ANO3: variants seen among roughly 807,000 people sequenced by gnomAD.
The protein encoded by ANO3 is anoctamin 3.
ANO3 carries 99 observed loss-of-function variants against 144.8 expected under a neutral mutation model. The ratio of observed to expected loss-of-function variants is 0.68; its 90% CI spans 0.58 to 0.81. The LOEUF is 0.81. Ranked by LOEUF, ANO3 falls within the 30% of genes least tolerant of loss-of-function variation. ANO3 has a pLI of 0.00. For missense variants in ANO3, 905 were observed against 1,202.2 expected, an observed-to-expected ratio of 0.75 and a Z score of 3.66; for synonymous variants, 414 against 392.6, an observed-to-expected ratio of 1.05 and a Z score of -0.64.
intron 1 of ANO3, among the ~76,000 whole-genome samples, chr11:26,360,195 T>C (rs4923351): frequency 0.5 from 62,805 of 126,248 alleles, 17,672 homozygotes; most frequent in Non-Finnish European, 0.62. Flanking sequence ...CCTTTTTTTT[T>C]CCACTTACTG....
intron 3 of ANO3, among the ~76,000 whole-genome samples, chr11:26,447,022 C>T (rs925729232): frequency 3.9e-5 from 6 of 151,966 alleles, no homozygotes; most frequent in Non-Finnish European, 8.8e-5. Flanking sequence ...CCAGCATTAG[C>T]AAAGTGGTGA....
intron 5 of ANO3, among the ~76,000 whole-genome samples, chr11:26,509,257 T>C (rs906647845): frequency 1.1e-4 from 17 of 152,090 alleles, no homozygotes; most frequent in Non-Finnish European, 2.2e-4. Flanking sequence ...GTTCCGCTAC[T>C]GAGAAAAAGA....
chr11:26,264,109 T>C (rs962348491), intron 1 of ANO3, among the ~76,000 whole-genome samples: 2 of 152,184 alleles, frequency 1.3e-5, no homozygotes, highest in Non-Finnish European at 2.9e-5. Flanking sequence ...GTAGGGCCCA[T>C]GTGGGCTGAA....
chr11:26,460,434 CGGGT>C (rs202004543), intron 3 of ANO3, among the ~76,000 whole-genome samples: 95,144 of 122,042 alleles, frequency 0.78, 35,016 homozygotes, highest in Admixed American at 0.85. Flanking sequence ...GGGGGGCGGG[CGGGT>C]GGAAGGAAAG....
At chr11:26,658,508 G>T (rs1268384294) in intron 26 of ANO3, among the ~76,000 whole-genome samples, 2 of 148,116 alleles carry the variant, frequency 1.4e-5, no homozygotes, top group South Asian at 2.2e-4. Flanking sequence ...TACTCAGGAG[G>T]TTGAGGCAGG....
At chr11:26,251,381 T>G (rs1239294005) in intron 1 of ANO3, among the ~76,000 whole-genome samples, 1 of 152,172 alleles carries the variant, frequency 6.6e-6, no homozygotes, top group Non-Finnish European at 1.5e-5. Context: ...ATGCAATGGA[T>G]GTTTTCAGAT....
intron 1 of ANO3, among the ~76,000 whole-genome samples, chr11:26,264,856 A>T (rs1853272465): frequency 1.3e-5 from 2 of 151,624 alleles, no homozygotes; most frequent in African/African-American, 4.8e-5. Context: ...ATGTAATTAT[A>T]TTTTTAAAGA....
chr11:26,306,059 C>A (rs1854373313), upstream of ANO3, among the ~76,000 whole-genome samples: 1 of 151,870 alleles, frequency 6.6e-6, no homozygotes, highest in East Asian at 1.9e-4. Flanking sequence ...CCCAGGTTCA[C>A]GCCATTCTCC....
At chr11:26,439,967 T>C (rs1858454502) in intron 1 of ANO3, among the ~76,000 whole-genome samples, 2 of 152,254 alleles carry the variant, frequency 1.3e-5, no homozygotes, top group South Asian at 4.1e-4. Context: ...ATCCTCAAAG[T>C]GAATAAATAA....
chr11:26,586,406 A>G (rs1851279175), intron 14 of ANO3, among the ~76,000 whole-genome samples: 1 of 146,374 alleles, frequency 6.8e-6, no homozygotes, highest in African/African-American at 2.5e-5. Flanking sequence ...CGTAAGACAA[A>G]TAATTATTGT....
chr11:26,630,441 G>A (rs1241061741), intron 18 of ANO3, among the ~76,000 whole-genome samples: 1 of 152,182 alleles, frequency 6.6e-6, no homozygotes, highest in African/African-American at 2.4e-5. Flanking sequence ...AGGAAAACAT[G>A]AACTTTCAGA....
intron 1 of ANO3, among the ~76,000 whole-genome samples, chr11:26,207,429 C>A (rs772898173): frequency 6.6e-6 from 1 of 152,122 alleles, no homozygotes; most frequent in African/African-American, 2.4e-5. Context: ...TTTGCATTCA[C>A]ATATTTCTAC....
intron 1 of ANO3, among the ~76,000 whole-genome samples, chr11:26,231,502 T>C (rs529912304): frequency 6.6e-6 from 1 of 152,186 alleles, no homozygotes; most frequent in Middle Eastern, 3.2e-3. Context: ...ATCTGAACAA[T>C]AGCAGTGAAT....
intron 1 of ANO3, among the ~76,000 whole-genome samples, chr11:26,219,958 G>C (rs58569929): frequency 0.028 from 4,214 of 152,206 alleles, 231 homozygotes; most frequent in African/African-American, 0.097. Flanking sequence ...AGAACTTCTT[G>C]TTCTAGGACA....
chr11:26,429,978 C>G (rs1382138416), intron 1 of ANO3, among the ~76,000 whole-genome samples: 1 of 152,140 alleles, frequency 6.6e-6, no homozygotes, highest in East Asian at 1.9e-4. Flanking sequence ...GGGCTCACGT[C>G]TGTAATCTCA....
intron 3 of ANO3, among the ~76,000 whole-genome samples, chr11:26,448,603 A>G (rs1308138012): frequency 6.6e-6 from 1 of 152,206 alleles, no homozygotes; most frequent in African/African-American, 2.4e-5. Context: ...GATAATATCC[A>G]CTAATTCCCA....
intron 1 of ANO3, among the ~76,000 whole-genome samples, chr11:26,218,221 C>T (rs771136153): frequency 4.9e-4 from 74 of 152,130 alleles, no homozygotes; most frequent in African/African-American, 8.9e-4. Context: ...GGCCCCCTAT[C>T]GCACCCAGTT....
At chr11:26,568,939 C>A (rs933216389) in intron 14 of ANO3, among the ~76,000 whole-genome samples, 1 of 152,026 alleles carries the variant, frequency 6.6e-6, no homozygotes, top group Admixed American at 6.6e-5. Flanking sequence ...ATTATTATGG[C>A]ATTCGATTTA....
chr11:26,329,148 T>C (rs745923061), upstream of ANO3, among the ~76,000 whole-genome samples: 4 of 152,194 alleles, frequency 2.6e-5, no homozygotes, highest in Non-Finnish European at 4.4e-5. Context: ...GGCTACTTGC[T>C]ATCCATTCTT....
Sources: allele counts gnomAD v4.1 joint callset (sites outside exome capture counted in the v4.1 genomes callset), GRCh38; gene constraint gnomAD v4.1.1; transcripts MANE v1.5; gene names NCBI Gene and HGNC (gene_info 2026-07-23, HGNC 2026-07-21).